The following METTL21C variants were observed in gnomAD, a reference collection of about 807,000 sequenced individuals.
METTL21C encodes the protein protein-lysine methyltransferase METTL21C.
Under a neutral mutation model 25.9 loss-of-function variants are expected in METTL21C, and 21 were observed. The ratio of observed to expected loss-of-function variants is 0.81; its 90% CI spans 0.58 to 1.17. The LOEUF is 1.17. Among genes scored for constraint, METTL21C ranks in the 50% most tolerant of loss-of-function variants. The pLI is 0.00. For missense variants in METTL21C, 312 were observed against 315.1 expected (o/e 0.99, Z 0.07); for synonymous variants, 125 against 124.7 (o/e 1.00, Z -0.01).
In METTL21C at chr13:102,686,138, C is replaced by T. The variant is rs781306835; in HGVS notation, c.688G>A (p.Asp230Asn). Residue 230 changes from aspartate (D) to asparagine (N), a missense_variant, in exon 4 of 4, where the codon GAC becomes AAC. Transcript: ENST00000267273. ...TTGAATTTATCTAAAAATTCATAGT[C>T]GGTGCTGAACCTGAATTTGTTTGCC... ...LWANKFRFSTDYEFLDKFKQV... is the reference protein window; with the variant it reads ...LWANKFRFSTNYEFLDKFKQV... 6 of 1,613,946 alleles carry T rather than the reference C, an allele frequency of 3.7e-6. No individual in the cohort carries two copies. The highest frequency in any genetic ancestry group is 2.7e-5 in the African/African-American group (2 of 74,930).
Position 102,686,354 on chromosome 13 carries a change from G to C in METTL21C, c.472C>G (p.Leu158Val), listed in dbSNP as rs1370216177. ...TCAGGCAGATGTGCTGTACATTGTA[G>C]TGTGTTTTTTAAAAGATTGTATTGA... Reference protein sequence around the residue: ...NLQYNLLKNTLQCTAHLPEVK... With the variant: ...NLQYNLLKNTVQCTAHLPEVK... Residue 158 changes from leucine to valine, a missense_variant, in exon 4 of 4, where the codon CTA (leucine) becomes GTA (valine). Coordinates refer to ENST00000267273, the MANE Select transcript of METTL21C (RefSeq NM_001010977.3). 1.2e-6 allele frequency: 2 copies of C among 1,614,192 alleles called. No individual in the cohort carries two copies. Among genetic ancestry groups the C allele is most frequent in the Admixed American group, 3.3e-5 (2 of 60,024 alleles).
chr13:102,694,132 AC>A (rs1885892253), intron 1 of METTL21C, among the ~76,000 whole-genome samples: 1 of 152,214 alleles, frequency 6.6e-6, no homozygotes, highest in African/African-American at 2.4e-5. Flanking sequence ...TAGAAAAAAA[AC>A]AAATGTGCAA....
At position 102,689,874 on chromosome 13, in the gene METTL21C, A is replaced by C; in HGVS notation, c.282+939T>G. Reference sequence around the variant, plus strand: ...CTCACAATCTGAAATTAATTCTCACAATTCTGACAACCACGTCAGGAGCAC... The same window carrying C: ...CTCACAATCTGAAATTAATTCTCACCATTCTGACAACCACGTCAGGAGCAC... On this transcript the variant is annotated intron_variant, in intron 2 of 3. Transcript: ENST00000267273. Among the ~76,000 whole-genome samples the C allele has an allele frequency of 2.6e-5, 4 of 152,320 alleles. No individual in the cohort carries two copies. The South Asian group carries it at 8.3e-4, about 32-fold the overall frequency.
chr13:102,688,160 C>G (rs1253437488), intron 2 of METTL21C, among the ~76,000 whole-genome samples: 1 of 152,162 alleles, frequency 6.6e-6, no homozygotes, highest in Non-Finnish European at 1.5e-5. Flanking sequence ...CCTCTGGACT[C>G]TACTTTCTAT....
rs1215627743 is a variant in METTL21C, at chr13:102,694,869, CTCTT to C, written c.-375_-372del. Among the ~76,000 whole-genome samples the C allele has an allele frequency of 7.4e-4, 94 of 126,832 alleles. No individual in the cohort carries two copies. Among genetic ancestry groups the C allele is most frequent in the African/African-American group, 3.5e-3 (94 of 26,816 alleles). The allele number at this position is 126,832 out of a possible 152,430, so 83.2% of individuals were successfully genotyped here. On this transcript the variant is annotated 5_prime_UTR_variant, in exon 1 of 4. Coordinates refer to ENST00000267273, the MANE Select transcript of METTL21C (RefSeq NM_001010977.3). ...ACACATTACTTTGCTAGAATTCTCT[CTCTT>C]TCTCTCTCTCTCTCTCTCTCTCTCT...
At chr13:102,689,337 T>G (rs895999) in intron 2 of METTL21C, among the ~76,000 whole-genome samples, 30,265 of 152,080 alleles carry the variant, frequency 0.2, 3,029 homozygotes, top group East Asian at 0.26. Flanking sequence ...AAACTCGTTT[T>G]TAAGGCAAAG....
chr13:102,700,841 CCATGACTCTGA>C, the METTL21C span, among the ~76,000 whole-genome samples: 1 of 151,938 alleles, frequency 6.6e-6, no homozygotes, highest in Admixed American at 6.6e-5. Flanking sequence ...AGAGGCTGCC[CCATGACTCTGA>C]CACCCTACGA....
chr13:102,697,195 A>G (rs965699526), upstream of METTL21C, among the ~76,000 whole-genome samples: 1 of 152,166 alleles, frequency 6.6e-6, no homozygotes, highest in African/African-American at 2.4e-5. Context: ...GAGGCTATTC[A>G]TGTGCTGTCA....
upstream of METTL21C, among the ~76,000 whole-genome samples, chr13:102,697,534 A>T (rs1020577581): frequency 6.6e-6 from 1 of 152,162 alleles, no homozygotes; most frequent in Non-Finnish European, 1.5e-5. Context: ...TTACCAGCCT[A>T]GGTGTCTACT....
chr13:102,696,720 C>T (rs1190189775), upstream of METTL21C, among the ~76,000 whole-genome samples: 1 of 152,092 alleles, frequency 6.6e-6, no homozygotes, highest in African/African-American at 2.4e-5. Flanking sequence ...TGCGTCAACT[C>T]CAGGCTCTGG....
At chr13:102,693,440 C>A (rs1323362440) in intron 1 of METTL21C, among the ~76,000 whole-genome samples, 1 of 152,200 alleles carries the variant, frequency 6.6e-6, no homozygotes, top group Non-Finnish European at 1.5e-5. Flanking sequence ...GGCTTCCCTG[C>A]CCTGCCCCAC....
At chr13:102,699,800 A>C (rs1886004344), upstream of METTL21C, among the ~76,000 whole-genome samples, 1 of 145,162 alleles carries the variant, frequency 6.9e-6, no homozygotes, top group Non-Finnish European at 1.5e-5. Flanking sequence ...GGCTGCTGCA[A>C]TACCCCCCCG....
At chr13:102,689,906 C>G (rs1235739256) in intron 2 of METTL21C, among the ~76,000 whole-genome samples, 3 of 152,224 alleles carry the variant, frequency 2.0e-5, no homozygotes, top group Admixed American at 2.0e-4. Context: ...GCACTGTAGA[C>G]ATTACGACCA....
intron 2 of METTL21C, among the ~76,000 whole-genome samples, chr13:102,688,825 C>T (rs1425556800): frequency 1.3e-5 from 2 of 151,622 alleles, no homozygotes; most frequent in African/African-American, 4.8e-5. Flanking sequence ...GGAGACAAAG[C>T]TTTTCTCAGG....
At chr13:102,686,582 G>C (rs563642861) in intron 3 of METTL21C, among the ~76,000 whole-genome samples, 157 bp from the exon 4 acceptor site, 45 of 152,152 alleles carry the variant, frequency 3.0e-4, no homozygotes, top group Non-Finnish European at 5.7e-4. Flanking sequence ...GCTAATTCTT[G>C]TGGGTGGTCC....
intron 2 of METTL21C, among the ~76,000 whole-genome samples, chr13:102,690,295 C>A (rs1320382006): frequency 6.6e-6 from 1 of 152,002 alleles, no homozygotes; most frequent in Non-Finnish European, 1.5e-5. Flanking sequence ...GTGGCGCGCA[C>A]CTGTAGTCCC....
At chr13:102,696,542 A>T (rs1052255499), upstream of METTL21C, among the ~76,000 whole-genome samples, 2 of 152,190 alleles carry the variant, frequency 1.3e-5, no homozygotes, top group African/African-American at 4.8e-5. Flanking sequence ...TAATTTAAAA[A>T]ACAGTTCCTT....
upstream of METTL21C, among the ~76,000 whole-genome samples, chr13:102,695,978 C>T (rs1189221279): frequency 6.6e-6 from 1 of 152,162 alleles, no homozygotes; most frequent in African/African-American, 2.4e-5. Context: ...GTTCATTCTA[C>T]AAGCTTTAAA....
chr13:102,698,203 G>A (rs1885976390), upstream of METTL21C, among the ~76,000 whole-genome samples: 1 of 152,160 alleles, frequency 6.6e-6, no homozygotes, highest in South Asian at 2.1e-4. Context: ...AGAGGGTTGA[G>A]TCCACAGGGT....
Sources: gnomAD v4.1 joint callset for allele counts (sites outside exome capture counted in the v4.1 genomes callset) on GRCh38, gnomAD v4.1.1 for gene constraint, MANE v1.5 for transcripts, NCBI Gene and HGNC (gene_info 2026-07-23, HGNC 2026-07-21) for gene names.